The following WARS2 variants were observed in gnomAD, a reference collection of about 807,000 sequenced individuals.
WARS2 encodes the protein tryptophan--tRNA ligase, mitochondrial.
In WARS2, 28 loss-of-function variants were observed where a neutral mutation model predicts 36.5. That is an observed-to-expected ratio of 0.77 (90% CI 0.57 to 1.05). WARS2 has a LOEUF of 1.05. Among genes scored for constraint, WARS2 ranks in the 50% least tolerant of loss-of-function variants. The pLI, the probability that WARS2 is intolerant of heterozygous loss-of-function variation, is 0.00. For missense variants in WARS2, 435 were observed against 456.8 expected (o/e 0.95, Z 0.44); for synonymous variants, 174 against 178.4 (o/e 0.98, Z 0.20).
intron 2 of WARS2, among the ~76,000 whole-genome samples, chr1:119,076,036 C>G (rs1571322400): frequency 6.6e-6 from 1 of 152,184 alleles, no homozygotes; most frequent in African/African-American, 2.4e-5. Flanking sequence ...ACAAAGTAAT[C>G]AGTTTGAAAG....
intron 1 of WARS2, among the ~76,000 whole-genome samples, chr1:119,083,625 T>C (rs1652379383): frequency 6.6e-6 from 1 of 152,174 alleles, no homozygotes; most frequent in South Asian, 2.1e-4. Flanking sequence ...GAAGAAATGA[T>C]AAAATATAGA....
chr1:119,043,169 G>C (rs1197211914), intron 3 of WARS2, among the ~76,000 whole-genome samples: 2 of 152,200 alleles, frequency 1.3e-5, no homozygotes, highest in Non-Finnish European at 2.9e-5. Flanking sequence ...TTGATTCTCT[G>C]AGTAGAGCTA....
chr1:119,061,744 A>C (rs1650399492), intron 2 of WARS2, among the ~76,000 whole-genome samples: 1 of 152,084 alleles, frequency 6.6e-6, no homozygotes, highest in Non-Finnish European at 1.5e-5. Context: ...CTATTAGTTA[A>C]TGGAATCTAG....
intron 1 of WARS2, among the ~76,000 whole-genome samples, chr1:119,111,854 G>A (rs1654659489): frequency 6.6e-6 from 1 of 152,108 alleles, no homozygotes; most frequent in Non-Finnish European, 1.5e-5. Context: ...ATTTTGGGGG[G>A]CAGAAGTCTT....
intron 1 of WARS2, among the ~76,000 whole-genome samples, chr1:119,093,716 G>A (rs907730538): frequency 6.6e-6 from 1 of 152,154 alleles, no homozygotes; most frequent in South Asian, 2.1e-4. Context: ...AACTGTGAAA[G>A]AATACATTTC....
rs1557963133 is a variant in WARS2, at chr1:119,076,443, T to C, written c.255A>G (p.Pro85=). The change falls in exon 2 of 6, where the codon CCA becomes CCG. Residue 85 remains proline, a synonymous_variant. Transcript: ENST00000235521. The part of the protein sequence containing the change: ...DLHSITVPQD[P]AVLRQSILDM... ...CCAGGATGCTCTGCCGAAGGACAGC[T>C]GGGTCTTGGGGGACAGTAATGGAGT... 6.2e-7 allele frequency: 1 copy of C among 1,614,164 alleles called. No individual in the cohort carries two copies. Among genetic ancestry groups the C allele is most frequent in the African/African-American group, 1.3e-5 (1 of 75,036 alleles).
At chr1:119,135,707 T>TAGACAGAC (rs1553183240) in intron 1 of WARS2, among the ~76,000 whole-genome samples, 63 of 134,158 alleles carry the variant, frequency 4.7e-4, no homozygotes, top group African/African-American at 1.4e-3. Flanking sequence ...ATAGATAGAT[T>TAGACAGAC]AGATAGACAG....
intron 1 of WARS2, among the ~76,000 whole-genome samples, chr1:119,105,055 A>G (rs1226099658): frequency 6.6e-6 from 1 of 152,216 alleles, no homozygotes; most frequent in Non-Finnish European, 1.5e-5. Flanking sequence ...AAATCATTGC[A>G]GGAGCAGAGG....
At chr1:119,044,898 ATCT>A (rs1648662736) in intron 3 of WARS2, among the ~76,000 whole-genome samples, 1 of 152,186 alleles carries the variant, frequency 6.6e-6, no homozygotes, top group African/African-American at 2.4e-5. Flanking sequence ...TTAAAGCTTT[ATCT>A]ATTTCTTTCT....
chr1:119,067,171 C>A (rs1401938758), intron 2 of WARS2, among the ~76,000 whole-genome samples: 2 of 152,126 alleles, frequency 1.3e-5, no homozygotes, highest in African/African-American at 4.8e-5. Flanking sequence ...TGATGCCATT[C>A]ACAGTTTTAA....
intron 1 of WARS2, among the ~76,000 whole-genome samples, chr1:119,097,220 G>T (rs1653502540): frequency 6.6e-6 from 1 of 152,130 alleles, no homozygotes; most frequent in Non-Finnish European, 1.5e-5. Flanking sequence ...ATCTTGATGA[G>T]AAATGTGTGA....
At chr1:119,098,713 A>G (rs369381346) in intron 1 of WARS2, among the ~76,000 whole-genome samples, 1 of 152,092 alleles carries the variant, frequency 6.6e-6, no homozygotes, top group South Asian at 2.1e-4. Context: ...TGCTGGGATT[A>G]CAGGCGTGAG....
intron 1 of WARS2, among the ~76,000 whole-genome samples, chr1:119,098,075 C>T (rs990005565): frequency 1.3e-5 from 2 of 151,952 alleles, no homozygotes; most frequent in African/African-American, 4.8e-5. Flanking sequence ...ATGGTGAAAC[C>T]CCGTCTCTAC....
intron 1 of WARS2, among the ~76,000 whole-genome samples, chr1:119,091,000 T>A (rs1180763491): frequency 2.0e-5 from 3 of 152,234 alleles, no homozygotes; most frequent in African/African-American, 7.2e-5. Flanking sequence ...TATTACCATT[T>A]TCATTTTAAA....
intron 2 of WARS2, among the ~76,000 whole-genome samples, chr1:119,068,578 C>T (rs1651053346): frequency 6.6e-6 from 1 of 152,164 alleles, no homozygotes; most frequent in Non-Finnish European, 1.5e-5. Flanking sequence ...GTCCTTTTCT[C>T]CTTGCCTTGG....
intron 2 of WARS2, among the ~76,000 whole-genome samples, chr1:119,054,094 T>C (rs1261767118): frequency 6.7e-6 from 1 of 149,740 alleles, no homozygotes; most frequent in Non-Finnish European, 1.5e-5. Flanking sequence ...ATTTAATAAA[T>C]TATAATTTAT....
At chr1:119,061,850 A>T (rs10923741) in intron 2 of WARS2, among the ~76,000 whole-genome samples, 49,492 of 151,960 alleles carry the variant, frequency 0.33, 9,496 homozygotes, top group African/African-American at 0.54. Context: ...TACCAGATAA[A>T]ACAGTATGTG....
intron 4 of WARS2, among the ~76,000 whole-genome samples, chr1:119,035,872 G>A (rs906105366): frequency 1.3e-5 from 2 of 152,192 alleles, no homozygotes; most frequent in African/African-American, 2.4e-5. Context: ...TAAGGACCAT[G>A]ACAGCAGACC....
At chr1:119,106,413 T>C (rs769205904) in intron 1 of WARS2, among the ~76,000 whole-genome samples, 3 of 152,318 alleles carry the variant, frequency 2.0e-5, no homozygotes, top group Admixed American at 6.5e-5. Context: ...TCCCCCATTA[T>C]AGTATCATGT....
Sources: gnomAD v4.1 joint callset for allele counts (sites outside exome capture counted in the v4.1 genomes callset) on GRCh38, gnomAD v4.1.1 for gene constraint, MANE v1.5 for transcripts, NCBI Gene and HGNC (gene_info 2026-07-23, HGNC 2026-07-21) for gene names.